Variants in STK31 observed in about 807,000 individuals in gnomAD.
STK31 encodes serine/threonine-protein kinase 31.
In STK31, 89 loss-of-function variants were observed where a neutral mutation model predicts 129.7. The ratio of observed to expected loss-of-function variants is 0.69; its 90% CI spans 0.58 to 0.82. STK31 has a LOEUF of 0.82. Ranked by LOEUF, STK31 falls within the 40% of genes least tolerant of loss-of-function variation. STK31 has a pLI of 0.00. For missense variants in STK31, 1,187 were observed against 1,176.4 expected (o/e 1.01, Z -0.13); for synonymous variants, 448 against 395.3 (o/e 1.13, Z -1.58).
chr7:23,781,415 C>T lies in STK31; in HGVS notation c.1966-4C>T. ...TAAAAAACACTTTTTCTTTCTGATTCAAGTCAGATGATCCTGATGGCTCTC... is the reference window on the plus strand; with the variant it reads ...TAAAAAACACTTTTTCTTTCTGATTTAAGTCAGATGATCCTGATGGCTCTC... On this transcript the variant is annotated splice_polypyrimidine_tract_variant and splice_region_variant and intron_variant, in intron 15 of 23. Transcript: ENST00000355870. 1 of 1,596,968 alleles carries T rather than the reference C, an allele frequency of 6.3e-7. No individual in the cohort carries two copies.
In STK31 at chr7:23,781,439, T is replaced by G. The variant is rs1430552288; in HGVS notation, c.1986T>G (p.Ser662=). 1 of 1,610,868 alleles carries G rather than the reference T, an allele frequency of 6.2e-7. No individual in the cohort carries two copies. The highest frequency in any genetic ancestry group is 8.5e-7 in the Non-Finnish European group (1 of 1,178,942). The change falls in exon 16 of 24, where the codon TCT becomes TCG. Residue 662 remains serine, a synonymous_variant. Transcript: ENST00000355870. ...TCAAGTCAGATGATCCTGATGGCTC[T>G]CAAATTGAGAAAATAAAAGAAGAAA... The part of the protein sequence containing the change: ...NLEESDDPDG[S]QIEKIKEEIT...
intron 6 of STK31, among the ~76,000 whole-genome samples, chr7:23,732,127 G>A (rs897317006): frequency 1.3e-5 from 2 of 152,032 alleles, no homozygotes; most frequent in Non-Finnish European, 2.9e-5. Context: ...TGGGCAACAT[G>A]GGAAAACCCT....
At chr7:23,751,210 C>CT (rs1396613011) in intron 8 of STK31, among the ~76,000 whole-genome samples, 21 of 152,166 alleles carry the variant, frequency 1.4e-4, no homozygotes, top group Admixed American at 4.6e-4. Context: ...GGATTTCATT[C>CT]TTTTTTTATG....
chr7:23,766,542 A>G (rs35955133), intron 11 of STK31, among the ~76,000 whole-genome samples: 22,064 of 152,094 alleles, frequency 0.15, 1,661 homozygotes, highest in Admixed American at 0.18. Flanking sequence ...GTGTGAGCCA[A>G]AGTGCCCAGC....
At chr7:23,745,649 C>G (rs1469610065) in intron 8 of STK31, among the ~76,000 whole-genome samples, 1 of 152,012 alleles carries the variant, frequency 6.6e-6, no homozygotes, top group South Asian at 2.1e-4. Flanking sequence ...CTAGCATTGC[C>G]TCAGGTTCTG....
At position 23,735,969 on chromosome 7, in the gene STK31, T is replaced by G. The variant is rs181889275; in HGVS notation, c.842+73T>G. 3 of 1,300,486 alleles carry G rather than the reference T, an allele frequency of 2.3e-6. No individual in the cohort carries two copies. In the East Asian group the frequency reaches 7.0e-5, roughly 30 times the overall value. 80.6% of individuals were successfully genotyped at this position (1,300,486 alleles called of 1,614,324 possible). A position where few individuals can be genotyped will look rare whatever the true frequency, so the allele number is the denominator to read the frequency against. On this transcript the variant is annotated intron_variant, in intron 7 of 23. Transcript: ENST00000355870. ...GTCATAGTAGAATAGAAGTTAAGGC[T>G]TATGCTTTTGGAATCCTTTACTGTG...
chr7:23,767,976 G>A (rs903896798), intron 11 of STK31, among the ~76,000 whole-genome samples: 3 of 151,876 alleles, frequency 2.0e-5, no homozygotes, highest in Non-Finnish European at 4.4e-5. Context: ...AGCAGGCTGT[G>A]CCTATCTTGT....
chr7:23,716,749 T>G (rs554433874), intron 3 of STK31, among the ~76,000 whole-genome samples: 1 of 151,886 alleles, frequency 6.6e-6, no homozygotes, highest in Non-Finnish European at 1.5e-5. Flanking sequence ...CACCAAAGAA[T>G]ACAGATTGGT....
chr7:23,732,066 T>G (rs1351924235), intron 6 of STK31, among the ~76,000 whole-genome samples: 1 of 152,162 alleles, frequency 6.6e-6, no homozygotes, highest in East Asian at 1.9e-4. Context: ...CCCAGCACTT[T>G]CGGAGGCTGA....
intron 11 of STK31, among the ~76,000 whole-genome samples, chr7:23,765,583 G>C (rs1584408278): frequency 7.1e-6 from 1 of 140,286 alleles, no homozygotes; most frequent in Admixed American, 7.2e-5. Flanking sequence ...TTGAGATGGA[G>C]TCTCACTCTG....
intron 22 of STK31, among the ~76,000 whole-genome samples, chr7:23,809,889 C>G (rs1792976875): frequency 6.6e-6 from 1 of 152,160 alleles, no homozygotes; most frequent in African/African-American, 2.4e-5. Context: ...TGTGTAAGTA[C>G]ATTTGTTATG....
rs1465389728 is a variant in STK31, at chr7:23,715,662, A to T, written c.151-1819A>T. 2.0e-5 allele frequency among the ~76,000 whole-genome samples: 3 copies of T among 152,148 alleles called. No individual in the cohort carries two copies. In the East Asian group the frequency reaches 5.8e-4, roughly 29 times the overall value. ...TAGTTATATGGAATATTTTGATTCC[A>T]GGGGTTTGTTCACAAAGGCTGCTTC... On this transcript the variant is annotated intron_variant, in intron 3 of 23. Coordinates refer to ENST00000355870, the MANE Select transcript of STK31 (RefSeq NM_031414.5).
chr7:23,772,852 AT>A (rs1790287338), intron 15 of STK31, among the ~76,000 whole-genome samples: 1 of 152,118 alleles, frequency 6.6e-6, no homozygotes. Flanking sequence ...TGAGGATTTG[AT>A]TTATGTACAA....
intron 23 of STK31, among the ~76,000 whole-genome samples, chr7:23,816,483 G>T (rs1793480038): frequency 6.6e-6 from 1 of 152,184 alleles, no homozygotes; most frequent in Non-Finnish European, 1.5e-5. Flanking sequence ...GTTAATTTAA[G>T]GTTGCAGTTA....
intron 4 of STK31, among the ~76,000 whole-genome samples, chr7:23,720,424 C>T (rs1215783528): frequency 4.6e-5 from 7 of 152,056 alleles, no homozygotes; most frequent in African/African-American, 1.7e-4. Context: ...AGGAAGGTGG[C>T]CATCACTCAT....
chr7:23,730,884 T>TA (rs1268343257), intron 6 of STK31, among the ~76,000 whole-genome samples: 2 of 75,952 alleles, frequency 2.6e-5, no homozygotes, highest in Non-Finnish European at 6.0e-5. Context: ...ATATATTTTT[T>TA]TTTTTTTTTT....
At chr7:23,715,452 CAA>C (rs5882910) in intron 3 of STK31, among the ~76,000 whole-genome samples, 1,309 of 128,356 alleles carry the variant, frequency 0.01, 12 homozygotes, top group African/African-American at 0.032. Context: ...CTTGTCGCTA[CAA>C]AAAAAAAAAA....
intron 23 of STK31, among the ~76,000 whole-genome samples, chr7:23,819,743 A>G (rs890138202): frequency 9.9e-5 from 15 of 152,100 alleles, no homozygotes; most frequent in Non-Finnish European, 2.9e-5. Flanking sequence ...TGGTTGGAGT[A>G]ATCATAAGAG....
rs115630254 is a variant in STK31 at position 23,780,133 on chromosome 7, C to T, written c.1966-1286C>T. On this transcript the variant is annotated intron_variant, in intron 15 of 23. Coordinates refer to ENST00000355870, the MANE Select transcript of STK31 (RefSeq NM_031414.5). The stretch of plus-strand genomic sequence containing the variant: ...GCACTTCCTGGGTGAGGTGACTCCC[C>T]ACCCTGCTTTTGCTTGCCCTCTGTA... Among the ~76,000 whole-genome samples, 506 of 152,248 alleles carry T rather than the reference C, an allele frequency of 3.3e-3. 4 individuals are homozygous for T. The highest frequency in any genetic ancestry group is 0.012 in the African/African-American group (484 of 41,550).
Sources: allele counts gnomAD v4.1 joint callset (sites outside exome capture counted in the v4.1 genomes callset), GRCh38; gene constraint gnomAD v4.1.1; transcripts MANE v1.5; gene names NCBI Gene and HGNC (gene_info 2026-07-23, HGNC 2026-07-21).